The following DNAJC5B variants were observed in gnomAD, a reference collection of about 807,000 sequenced individuals.
DNAJC5B encodes the protein DnaJ heat shock protein family (Hsp40) member C5 beta.
Under a neutral mutation model 24.7 loss-of-function variants are expected in DNAJC5B, and 23 were observed. That is an observed-to-expected ratio of 0.93 (90% CI 0.67 to 1.32). DNAJC5B has a LOEUF of 1.32. DNAJC5B is among the 40% of genes most tolerant of loss of function. DNAJC5B has a pLI of 0.00. For missense variants in DNAJC5B, 238 were observed against 240.8 expected, an observed-to-expected ratio of 0.99 and a Z score of 0.08; for synonymous variants, 101 against 90.1, an observed-to-expected ratio of 1.12 and a Z score of -0.68.
chr8:66,057,022 C>G (rs1268376572), intron 3 of DNAJC5B: 2 of 152,176 alleles, frequency 1.3e-5, no homozygotes, highest in Admixed American at 1.3e-4. Flanking sequence ...GCCTATAGTC[C>G]CAGCTACTCG....
At chr8:66,050,782 T>C (rs969323502) in intron 2 of DNAJC5B, among the ~76,000 whole-genome samples, 1 of 152,256 alleles carries the variant, frequency 6.6e-6, no homozygotes, top group Non-Finnish European at 1.5e-5. Context: ...CCTCTAACTC[T>C]ATATTCTTCA....
intron 5 of DNAJC5B, among the ~76,000 whole-genome samples, chr8:66,088,932 T>C (rs959701048): frequency 1.3e-5 from 2 of 152,206 alleles, no homozygotes; most frequent in Non-Finnish European, 2.9e-5. Context: ...TGTTCCAACC[T>C]CTGACTGTTA....
chr8:66,086,069 T>A (rs1238869126), intron 5 of DNAJC5B, among the ~76,000 whole-genome samples: 1 of 152,176 alleles, frequency 6.6e-6, no homozygotes, highest in African/African-American at 2.4e-5. Flanking sequence ...TAAGTGGCAT[T>A]GGTTTTAATT....
intron 3 of DNAJC5B, among the ~76,000 whole-genome samples, chr8:66,063,592 TC>T (rs1384621012): frequency 1.3e-5 from 2 of 152,114 alleles, no homozygotes; most frequent in Non-Finnish European, 2.9e-5. Context: ...CTGCATAACC[TC>T]CCTTGTCCCT....
At chr8:66,080,707 T>A (rs28469631) in intron 5 of DNAJC5B, among the ~76,000 whole-genome samples, 159 bp downstream of exon 5, 2,245 of 152,234 alleles carry the variant, frequency 0.015, 31 homozygotes, top group Non-Finnish European at 0.026. Flanking sequence ...CTGGGGAGAA[T>A]GAAAAGATAG....
At chr8:66,095,721 C>G (rs1327776372) in intron 5 of DNAJC5B, among the ~76,000 whole-genome samples, 3 of 150,186 alleles carry the variant, frequency 2.0e-5, no homozygotes, top group Non-Finnish European at 4.5e-5. Flanking sequence ...TTGTTCTCAT[C>G]ATCTGAGTTC....
chr8:66,073,827 TATCAATGGGCCATA>T (rs980564931), intron 3 of DNAJC5B, among the ~76,000 whole-genome samples: 4 of 152,134 alleles, frequency 2.6e-5, no homozygotes, highest in Non-Finnish European at 5.9e-5. Context: ...AAATGTCAGG[TATCAATGGGCCATA>T]GACTTCCATA....
At chr8:66,090,120 C>A (rs1426667109) in intron 5 of DNAJC5B, among the ~76,000 whole-genome samples, 2 of 151,934 alleles carry the variant, frequency 1.3e-5, no homozygotes, top group East Asian at 3.8e-4. Context: ...TCACTTAGAC[C>A]CTATACTCCT....
chr8:66,062,256 T>C (rs1807099910), intron 3 of DNAJC5B, among the ~76,000 whole-genome samples: 2 of 152,232 alleles, frequency 1.3e-5, no homozygotes, highest in Admixed American at 6.5e-5. Flanking sequence ...CTCAAATAAT[T>C]AGTTTGGTCA....
chr8:66,015,881 T>G, the DNAJC5B span, among the ~76,000 whole-genome samples: 1 of 152,048 alleles, frequency 6.6e-6, no homozygotes, highest in South Asian at 2.1e-4. Context: ...CAGAGATTGG[T>G]GAGAGTTTGC....
intron 1 of DNAJC5B, among the ~76,000 whole-genome samples, chr8:66,035,552 G>A (rs951464144): frequency 2.6e-5 from 4 of 152,146 alleles, no homozygotes; most frequent in African/African-American, 7.2e-5. Flanking sequence ...GACATTGGAG[G>A]CACACCACAG....
upstream of DNAJC5B, among the ~76,000 whole-genome samples, chr8:66,017,860 C>A (rs1805995438): frequency 6.6e-6 from 1 of 152,152 alleles, no homozygotes; most frequent in Non-Finnish European, 1.5e-5. Flanking sequence ...AGACTACGAG[C>A]ATTTTAGTGG....
chr8:66,086,983 T>C (rs1033661634), intron 5 of DNAJC5B, among the ~76,000 whole-genome samples: 2 of 152,074 alleles, frequency 1.3e-5, no homozygotes, highest in African/African-American at 4.8e-5. Context: ...TACTAAAAAA[T>C]AAGAGAAAGG....
At chr8:66,088,404 A>T (rs188541562) in intron 5 of DNAJC5B, among the ~76,000 whole-genome samples, 2 of 152,232 alleles carry the variant, frequency 1.3e-5, no homozygotes, top group East Asian at 3.9e-4. Context: ...TGCCCTGGAG[A>T]CAGTTTCCCC....
At chr8:66,065,826 A>G (rs1386805027) in intron 3 of DNAJC5B, among the ~76,000 whole-genome samples, 1 of 152,058 alleles carries the variant, frequency 6.6e-6, no homozygotes, top group African/African-American at 2.4e-5. Flanking sequence ...GGGTGAGGGA[A>G]CTTCTAAGGA....
chr8:66,086,259 A>C (rs574892761), intron 5 of DNAJC5B, among the ~76,000 whole-genome samples: 72 of 152,210 alleles, frequency 4.7e-4, no homozygotes, highest in African/African-American at 1.6e-3. Flanking sequence ...CTTCCATTCC[A>C]ATCTGTATTC....
intron 3 of DNAJC5B, among the ~76,000 whole-genome samples, chr8:66,059,020 A>G (rs1192655860): frequency 6.6e-6 from 1 of 152,224 alleles, no homozygotes; most frequent in African/African-American, 2.4e-5. Context: ...TGCTGTTTAA[A>G]AACCATTTAT....
At chr8:66,093,409 C>G (rs950559764) in intron 5 of DNAJC5B, among the ~76,000 whole-genome samples, 2 of 152,080 alleles carry the variant, frequency 1.3e-5, no homozygotes, top group African/African-American at 4.8e-5. Context: ...CTTGACATCC[C>G]CTGATGGTAA....
intron 5 of DNAJC5B, among the ~76,000 whole-genome samples, chr8:66,093,276 C>G (rs1054205323): frequency 3.3e-5 from 5 of 152,112 alleles, no homozygotes; most frequent in Admixed American, 1.3e-4. Flanking sequence ...ATTACTTAGT[C>G]AAAGGATATG....
Sources: gnomAD v4.1 joint callset for allele counts (sites outside exome capture counted in the v4.1 genomes callset) on GRCh38, gnomAD v4.1.1 for gene constraint, MANE v1.5 for transcripts, NCBI Gene and HGNC (gene_info 2026-07-23, HGNC 2026-07-21) for gene names.